Variants in CCSER1 observed in about 807,000 individuals in gnomAD.
CCSER1 encodes the protein coiled-coil serine rich protein 1.
In CCSER1, 41 loss-of-function variants were observed where a neutral mutation model predicts 82.0. That is an observed-to-expected ratio of 0.50 (90% confidence interval 0.39 to 0.65). The LOEUF (loss-of-function observed/expected upper bound fraction) is 0.65, where lower values mean the gene tolerates loss of function less well. Ranked by LOEUF, CCSER1 falls within the 30% of genes least tolerant of loss-of-function variation. The probability of loss-of-function intolerance (pLI) is 0.00; values close to 1 mark genes in which losing one functional copy is unlikely to be tolerated. For synonymous variants in CCSER1, 414 were observed against 383.9 expected (o/e 1.08, Z -0.92); for missense variants, 1,119 against 1,064.2 (o/e 1.05, Z -0.72).
chr4:90,362,911 T>G (rs944927338), intron 3 of CCSER1, among the ~76,000 whole-genome samples: 8 of 152,186 alleles, frequency 5.3e-5, no homozygotes, highest in Admixed American at 2.6e-4. Context: ...ATTTTGTCAA[T>G]CTGTAGACTT....
Position 90,991,793 on chromosome 4 carries a change from C to T in CCSER1, c.2172+68346C>T, listed in dbSNP as rs557949145. ...AACAAAACTGTATGTTCCAGTCTAA[C>T]TACTTCCCCATCTCTCTCCTTTTTT... On this transcript the variant is annotated intron_variant, in intron 9 of 10. Coordinates refer to ENST00000509176, the MANE Select transcript of CCSER1 (RefSeq NM_001145065.2). 1.7e-4 allele frequency among the ~76,000 whole-genome samples: 26 copies of T among 152,146 alleles called. No homozygotes were observed. The South Asian group carries it at 1.9e-3, about 11-fold the overall frequency.
intron 10 of CCSER1, among the ~76,000 whole-genome samples, chr4:91,102,567 C>T (rs960607803): frequency 5.3e-5 from 8 of 152,100 alleles, no homozygotes; most frequent in East Asian, 1.9e-4. Context: ...ATTTAGATGT[C>T]GTTTTTATAA....
intron 1 of CCSER1, among the ~76,000 whole-genome samples, chr4:90,228,365 T>A (rs1743680280): frequency 6.6e-6 from 1 of 152,150 alleles, no homozygotes; most frequent in Non-Finnish European, 1.5e-5. Context: ...AGGGGCAGAC[T>A]GACACCTCAC....
chr4:90,450,488 G>C (rs946136038), intron 4 of CCSER1, among the ~76,000 whole-genome samples: 1 of 152,266 alleles, frequency 6.6e-6, no homozygotes, highest in South Asian at 2.1e-4. Context: ...GAACAAAAGC[G>C]GTAACAGTAA....
At chr4:91,425,485 T>C (rs977880293) in intron 10 of CCSER1, among the ~76,000 whole-genome samples, 1 of 152,080 alleles carries the variant, frequency 6.6e-6, no homozygotes, top group South Asian at 2.1e-4. Context: ...GTATTATAAT[T>C]TATCCTATAG....
chr4:90,169,524 G>A (rs1332693114), intron 1 of CCSER1, among the ~76,000 whole-genome samples: 1 of 152,076 alleles, frequency 6.6e-6, no homozygotes, highest in Non-Finnish European at 1.5e-5. Flanking sequence ...TTGAATAGGA[G>A]TGGTGAGAGA....
intron 7 of CCSER1, among the ~76,000 whole-genome samples, chr4:90,771,817 G>T (rs1463792137): frequency 6.6e-6 from 1 of 151,870 alleles, no homozygotes; most frequent in Non-Finnish European, 1.5e-5. Context: ...TGTATCCTCT[G>T]GTTTCCTGTT....
intron 10 of CCSER1, among the ~76,000 whole-genome samples, chr4:91,160,309 A>G (rs1348822430): frequency 1.3e-5 from 2 of 152,118 alleles, no homozygotes. Flanking sequence ...TGGACATTTC[A>G]GTTGGTTCCA....
intron 10 of CCSER1, among the ~76,000 whole-genome samples, chr4:91,137,729 T>C (rs900688804): frequency 1.3e-5 from 2 of 152,058 alleles, no homozygotes; most frequent in Admixed American, 1.3e-4. Flanking sequence ...TGATATCTCA[T>C]AGTGGTTTTG....
intron 8 of CCSER1, among the ~76,000 whole-genome samples, chr4:90,856,338 A>G (rs2149960611): frequency 6.6e-6 from 1 of 152,282 alleles, no homozygotes; most frequent in East Asian, 1.9e-4. Flanking sequence ...TTATAAGATA[A>G]TATATAGAAA....
intron 8 of CCSER1, among the ~76,000 whole-genome samples, chr4:90,823,910 T>C (rs1464725078): frequency 2.6e-5 from 4 of 151,972 alleles, no homozygotes; most frequent in South Asian, 2.1e-4. Context: ...TTTTGACATA[T>C]AGTTTACACA....
At chr4:91,399,131 A>G (rs1025222779) in intron 10 of CCSER1, among the ~76,000 whole-genome samples, 6 of 151,910 alleles carry the variant, frequency 3.9e-5, no homozygotes, top group African/African-American at 1.2e-4. Flanking sequence ...ACCATGAACA[A>G]TAAGAGCATG....
rs565280178 is a variant in CCSER1 at position 90,885,601 on chromosome 4, C to T, written c.2095-37769C>T. On this transcript the variant is annotated intron_variant, in intron 8 of 10. Coordinates refer to ENST00000509176, the MANE Select transcript of CCSER1 (RefSeq NM_001145065.2). ...ATATTCTTCTGAGATATATTTTTAG[C>T]CATAAGGTCATTATTTGGTGTGCTG... 5.2e-4 allele frequency among the ~76,000 whole-genome samples: 79 copies of T among 152,114 alleles called. No homozygotes were observed. In the South Asian group the frequency reaches 0.011, roughly 22 times the overall value.
chr4:91,335,481 T>G (rs1004190560), intron 10 of CCSER1, among the ~76,000 whole-genome samples: 23 of 152,074 alleles, frequency 1.5e-4, no homozygotes, highest in Non-Finnish European at 1.9e-4. Flanking sequence ...TGACATGAAT[T>G]AAGTACTTCA....
At chr4:91,035,038 T>A (rs1293218126) in intron 9 of CCSER1, among the ~76,000 whole-genome samples, 1 of 152,140 alleles carries the variant, frequency 6.6e-6, no homozygotes, top group Non-Finnish European at 1.5e-5. Context: ...TTTTTAAATG[T>A]TTTCTATAAG....
At chr4:91,027,684 A>G (rs893155972) in intron 9 of CCSER1, among the ~76,000 whole-genome samples, 7 of 152,046 alleles carry the variant, frequency 4.6e-5, no homozygotes, top group Non-Finnish European at 7.4e-5. Flanking sequence ...CAGCATTCTC[A>G]TTTAGCCACA....
At chr4:91,317,521 T>A (rs1258713821) in intron 10 of CCSER1, among the ~76,000 whole-genome samples, 4 of 151,914 alleles carry the variant, frequency 2.6e-5, no homozygotes, top group Non-Finnish European at 5.9e-5. Context: ...GTTTGTCAGC[T>A]TTGCCTGGAA....
At chr4:91,188,347 G>A (rs560857142) in intron 10 of CCSER1, among the ~76,000 whole-genome samples, 139 of 152,196 alleles carry the variant, frequency 9.1e-4, no homozygotes, top group African/African-American at 2.3e-3. Context: ...ATGTTACGGC[G>A]TTTTAATTTT....
chr4:90,569,811 A>T (rs1240667592), intron 5 of CCSER1, among the ~76,000 whole-genome samples: 2 of 152,150 alleles, frequency 1.3e-5, no homozygotes, highest in African/African-American at 4.8e-5. Flanking sequence ...CTGCTGCAGG[A>T]CTGAGGTGCA....
Sources: allele counts gnomAD v4.1 joint callset (sites outside exome capture counted in the v4.1 genomes callset), GRCh38; gene constraint gnomAD v4.1.1; transcripts MANE v1.5; gene names NCBI Gene and HGNC (gene_info 2026-07-23, HGNC 2026-07-21).